Variants in MUC6 observed in about 807,000 individuals in gnomAD.
MUC6 encodes the protein mucin 6, oligomeric mucus/gel-forming (gene/pseudogene).
In MUC6, 188 loss-of-function variants were observed where a neutral mutation model predicts 201.5. That is an observed-to-expected ratio of 0.93 (90% confidence interval 0.83 to 1.05). The LOEUF (loss-of-function observed/expected upper bound fraction) is 1.05, where lower values mean the gene tolerates loss of function less well. Ranked by LOEUF, MUC6 falls within the 50% of genes least tolerant of loss-of-function variation. The probability of loss-of-function intolerance (pLI) is 0.00; values close to 1 mark genes in which losing one functional copy is unlikely to be tolerated. For synonymous variants in MUC6, 1,228 were observed against 1,389.4 expected (o/e 0.88, Z 2.58); for missense variants, 2,706 against 3,256.9 (o/e 0.83, Z 4.12).
At chr11:1,021,098 G>A in intron 27 of MUC6, 117 bp downstream of exon 27, 1 of 1,016,608 alleles carries the variant, frequency 9.8e-7, no homozygotes, top group South Asian at 1.9e-5. Flanking sequence ...GAGTCCCAGA[G>A]CTCACGTAAG....
intron 26 of MUC6, among the ~76,000 whole-genome samples, chr11:1,022,874 T>G (rs1856848748): frequency 6.6e-6 from 1 of 152,072 alleles, no homozygotes; most frequent in Non-Finnish European, 1.5e-5. Context: ...TGTGCATGGG[T>G]GAATGTGCGT....
At chr11:1,014,158 C>A (rs990479898) in intron 31 of MUC6, among the ~76,000 whole-genome samples, 157 bp from the exon 32 acceptor site, 3 of 152,256 alleles carry the variant, frequency 2.0e-5, no homozygotes. Context: ...CAGACCTCAG[C>A]CATACACAAA....
chr11:1,025,898 G>C lies in MUC6; in HGVS notation c.2706C>G (p.Asn902Lys). 2 of 1,611,602 alleles carry C rather than the reference G, an allele frequency of 1.2e-6. No individual in the cohort carries two copies. Among genetic ancestry groups the C allele is most frequent in the South Asian group, 1.1e-5 (1 of 90,662 alleles). ...GGATCTTGAAGGTGGGCTGTGAGTC[G>C]TTGACACCACAGACGTCCTGCAGGG... ...YILATDVCGV[N>K]DSQPTFKILT... Residue 902 changes from asparagine (N) to lysine (K), a missense_variant, in exon 22 of 33, where the codon AAC (asparagine) becomes AAG (lysine). Asn to Lys is a moderately conservative substitution (Grantham distance 94). This residue lies in a region of MUC6 where 1,850 missense variants were observed against 1,958.3 expected (regional missense o/e 0.94). Coordinates refer to ENST00000421673, the MANE Select transcript of MUC6 (RefSeq NM_005961.3).
At position 1,029,545 on chromosome 11, in the gene MUC6, G is replaced by C; in HGVS notation, c.1086C>G (p.His362Gln). 1.2e-6 allele frequency: 2 copies of C among 1,612,408 alleles called. No individual in the cohort carries two copies. Among genetic ancestry groups the C allele is most frequent in the Non-Finnish European group, 1.7e-6 (2 of 1,179,596 alleles). The change falls in exon 9 of 33, where the codon CAC becomes CAG. Residue 362 changes from histidine (H) to glutamine (Q), a missense_variant. Transcript: ENST00000421673. ...VPVTQCPCVL[H>Q]GAMYAPGEVT... is the part of the protein sequence containing the mutation. ...CCTCCCCGGGGGCATACATGGCGCC[G>C]TGGAGCACACAGGGGCACTGGGTGA...
At position 1,027,316 on chromosome 11, in the gene MUC6, T is replaced by C. The variant is rs1047704626; in HGVS notation, c.2183A>G (p.Tyr728Cys). The C allele has an allele frequency of 2.5e-6, 4 of 1,612,800 alleles. No homozygotes were observed. Among genetic ancestry groups the C allele is most frequent in the Admixed American group, 3.3e-5 (2 of 60,004 alleles). Residue 728 changes from tyrosine to cysteine, a missense_variant, in exon 17 of 33, where the codon TAC becomes TGC. Transcript: ENST00000421673. ...KAQCPCILEG[Y>C]KFILAEQSTV... is the part of the protein sequence containing the mutation. ...GGACTGCTCGGCCAGGATGAACTTG[T>C]AACCCTCCAGTATGCACGGGCACTG...
intron 28 of MUC6, 119 bp from the exon 29 acceptor site, chr11:1,020,376 G>A: frequency 7.5e-7 from 1 of 1,325,692 alleles, no homozygotes; most frequent in Non-Finnish European, 1.0e-6. Context: ...ATGATGTGCA[G>A]TTGAGGGCTG....
intron 1 of MUC6, 107 bp downstream of exon 1, chr11:1,036,497 G>T: frequency 1.6e-6 from 2 of 1,280,232 alleles, no homozygotes; most frequent in Non-Finnish European, 2.2e-6. Flanking sequence ...GTCCATCAGC[G>T]TCCATGTGGG....
chr11:1,026,866 C>T lies in MUC6; in HGVS notation c.2394+75G>A, dbSNP rs144159474. ...CAGGGCAGAATGCGGCCAGGTCTCC[C>T]GGAGTTCTGTGGAAACCCCCTCATG... On this transcript the variant is annotated intron_variant, in intron 19 of 32. Coordinates refer to ENST00000421673, the MANE Select transcript of MUC6 (RefSeq NM_005961.3). The T allele has an allele frequency of 3.3e-3, 4,552 of 1,375,512 alleles. 12 individuals carry two copies. The highest frequency in any genetic ancestry group is 9.9e-3 in the African/African-American group (683 of 69,008). The allele number at this position is 1,375,512 out of a possible 1,614,324, so 85.2% of individuals were successfully genotyped here.
chr11:1,015,894 G>C lies in MUC6; in HGVS notation c.6907C>G (p.Leu2303Val). The C allele has an allele frequency of 1.2e-6, 2 of 1,608,696 alleles. No homozygotes were observed. Among genetic ancestry groups the C allele is most frequent in the South Asian group, 1.1e-5 (1 of 90,112 alleles). ...GTGGGACCAGGGTGCCTGGTGGTAA[G>C]GTTGGTGACTGGAGAGGTGGGGATA... Reference protein sequence around the residue: ...TGIPTSPVTNLTTRHPGPTLS... With the variant: ...TGIPTSPVTNVTTRHPGPTLS... The change falls in exon 31 of 33, where the codon CTT becomes GTT. Residue 2303 changes from leucine (L) to valine (V), a missense_variant. This residue lies in a region of MUC6 where 586 missense variants were observed against 488.0 expected (regional missense o/e 1.20). Coordinates refer to ENST00000421673, the MANE Select transcript of MUC6 (RefSeq NM_005961.3).
At chr11:1,032,875 G>T in intron 2 of MUC6, 138 bp downstream of exon 2, 2 of 668,300 alleles carry the variant, frequency 3.0e-6, no homozygotes, top group Admixed American at 5.9e-5. Flanking sequence ...GGGTGTATGT[G>T]CATGTGTGTT....
In MUC6 at chr11:1,025,021, G is replaced by T. The variant is rs1160351808; in HGVS notation, c.3048C>A (p.Arg1016=). The T allele has an allele frequency of 6.2e-7, 1 of 1,613,034 alleles. No individual in the cohort carries two copies. Among genetic ancestry groups the T allele is most frequent in the Non-Finnish European group, 8.5e-7 (1 of 1,179,826 alleles). ...GCTCGCTGGATGCCACGTACCTGCT[G>T]CGCGTCTCGAAGTCGTCCTTCATGT... ...NGNMKDDFET[R]SRYVASSELE... is the part of the protein sequence containing the mutation. The change falls in exon 24 of 33, where the codon CGC becomes CGA. Residue 1016 remains arginine (R), a synonymous_variant. Transcript: ENST00000421673.
Position 1,016,161 on chromosome 11 carries a change from G to C in MUC6, c.6640C>G (p.His2214Asp), listed in dbSNP as rs777065638. 2 of 1,613,456 alleles carry C rather than the reference G, an allele frequency of 1.2e-6. No individual in the cohort carries two copies. The highest frequency in any genetic ancestry group is 1.7e-6 in the Non-Finnish European group (2 of 1,179,776). The change falls in exon 31 of 33, where the codon CAC becomes GAC. Residue 2214 changes from histidine to aspartate, a missense_variant. Transcript: ENST00000421673. ...AGGGTGAAAGGAGAGGAGATAGTGT[G>C]GGGGAGAGTGGCCCTAATGGTAGTA... ...ASTTIRATLP[H>D]TISSPFTLSA...
intron 29 of MUC6, 63 bp from the exon 30 acceptor site, chr11:1,019,559 C>T (rs1856762646): frequency 3.5e-6 from 5 of 1,445,856 alleles, no homozygotes; most frequent in Admixed American, 1.7e-5. Context: ...AGGCTTGTGT[C>T]CCAGCCCCCT....
chr11:1,033,279 C>T lies in MUC6; in HGVS notation c.53-204G>A. 1 of 596,472 alleles carries T rather than the reference C, an allele frequency of 1.7e-6. No homozygotes were observed. The highest frequency in any genetic ancestry group is 1.8e-5 in the African/African-American group (1 of 54,236). 36.9% of individuals were successfully genotyped at this position (596,472 alleles called of 1,614,324 possible). A position where few individuals can be genotyped will look rare whatever the true frequency, so the allele number is the denominator to read the frequency against. On this transcript the variant is annotated intron_variant, in intron 1 of 32. Coordinates refer to ENST00000421673, the MANE Select transcript of MUC6 (RefSeq NM_005961.3). This position sits in a 1 kb window ranked among gnomAD's most constrained non-coding sequence, Gnocchi z 5.6. The stretch of plus-strand genomic sequence containing the variant: ...GTCCTTCACGAGCCCCAGCTTCCTT[C>T]CCTGCTCTCGTTCACTCCCTCGTTT...
At chr11:1,021,326 C>G in intron 26 of MUC6, 49 bp from the exon 27 acceptor site, 2 of 1,362,434 alleles carry the variant, frequency 1.5e-6, no homozygotes, top group East Asian at 2.8e-5. Flanking sequence ...CCAGCCAGGC[C>G]CACCTGCGTG....
In MUC6 at chr11:1,027,148, C is replaced by T. The variant is rs753480931; in HGVS notation, c.2277G>A (p.Met759Ile). The T allele has an allele frequency of 2.5e-6, 4 of 1,612,450 alleles. No homozygotes were observed. The South Asian group carries it at 4.4e-5, about 18-fold the overall frequency. Reference sequence around the variant, plus strand: ...CAGCGCTGCTGTACGTACCCAGGAACATCTGTGGCCGCTGCGGGCAACTCA... The same window carrying T: ...CAGCGCTGCTGTACGTACCCAGGAATATCTGTGGCCGCTGCGGGCAACTCA... Reference protein sequence around the residue: ...GRLSCPQRPQMFLASCQAPKT... With the variant: ...GRLSCPQRPQIFLASCQAPKT... The change falls in exon 18 of 33, where the codon ATG becomes ATA. Residue 759 changes from methionine (M) to isoleucine (I), a missense_variant. This residue lies in a region of MUC6 where 1,850 missense variants were observed against 1,958.3 expected (regional missense o/e 0.94). Coordinates refer to ENST00000421673, the MANE Select transcript of MUC6 (RefSeq NM_005961.3).
At chr11:1,030,046 C>T (rs1002288082) in intron 8 of MUC6, among the ~76,000 whole-genome samples, 167 bp downstream of exon 8, 2 of 150,822 alleles carry the variant, frequency 1.3e-5, no homozygotes, top group South Asian at 2.1e-4. Flanking sequence ...AGGCTGTAAG[C>T]GTCCAGGCGG....
At chr11:1,023,462 G>GA in intron 26 of MUC6, 47 bp downstream of exon 26, 1 of 1,540,440 alleles carries the variant, frequency 6.5e-7, no homozygotes, top group Non-Finnish European at 8.8e-7. Flanking sequence ...ATGAATGAGT[G>GA]AATGGGTCCC....
chr11:1,033,139 C>T lies in MUC6; in HGVS notation c.53-64G>A, dbSNP rs1857148964. On this transcript the variant is annotated intron_variant, in intron 1 of 32. Coordinates refer to ENST00000421673, the MANE Select transcript of MUC6 (RefSeq NM_005961.3). The surrounding 1 kb of genome is among the most constrained non-coding windows in gnomAD (Gnocchi z 5.6). ...CGTCGTCCCTGAGGGCGCCGCTCAC[C>T]TCTGCTCAGGGCTGCTCCGCCCGTT... 6.6e-7 allele frequency: 1 copy of T among 1,508,242 alleles called. No individual in the cohort carries two copies. Among genetic ancestry groups the T allele is most frequent in the Non-Finnish European group, 9.2e-7 (1 of 1,084,884 alleles). The allele number at this position is 1,508,242 out of a possible 1,614,324, so 93.4% of individuals were successfully genotyped here. A position where few individuals can be genotyped will look rare whatever the true frequency, so the allele number is the denominator to read the frequency against.
Sources: gnomAD v4.1 joint callset for allele counts (sites outside exome capture counted in the v4.1 genomes callset) on GRCh38, gnomAD v4.1.1 for gene constraint, gnomAD v4.1.1 regional missense constraint, Gnocchi (gnomAD v3.1) non-coding constraint, MANE v1.5 for transcripts, NCBI Gene and HGNC (gene_info 2026-07-23, HGNC 2026-07-21) for gene names.